MAP3K13: variants seen among roughly 807,000 people sequenced by gnomAD.
MAP3K13 encodes the protein mitogen-activated protein kinase kinase kinase 13, also known as leucine zipper-bearing kinase.
MAP3K13 carries 52 observed loss-of-function variants against 104.0 expected under a neutral mutation model. The observed-to-expected ratio is 0.50, with a 90% CI of 0.40 to 0.63. The LOEUF is 0.63. Among genes scored for constraint, MAP3K13 ranks in the 20% least tolerant of loss-of-function variants. The pLI is 0.00. For missense variants in MAP3K13, 914 were observed against 1,218.5 expected, an observed-to-expected ratio of 0.75 and a Z score of 3.72; for synonymous variants, 394 against 442.2, an observed-to-expected ratio of 0.89 and a Z score of 1.37.
In MAP3K13 at chr3:185,480,534, G is replaced by A. The variant is rs926099676; in HGVS notation, c.2799+5G>A. On this transcript the variant is annotated splice_donor_5th_base_variant and intron_variant, in intron 13 of 13. Transcript: ENST00000265026. Reference sequence around the variant, plus strand: ...GTGGAGGAACGTGGCTATGAGGTGGGGGCTTCTCCCTTCTCCTCCCATCAC... The same window carrying A: ...GTGGAGGAACGTGGCTATGAGGTGGAGGCTTCTCCCTTCTCCTCCCATCAC... 6.2e-6 allele frequency: 10 copies of A among 1,610,574 alleles called. No individual in the cohort carries two copies. The highest frequency in any genetic ancestry group is 8.5e-6 in the Non-Finnish European group (10 of 1,177,668).
rs1718611622 is a variant in MAP3K13, at chr3:185,484,087, C to G, written c.*1631C>G. 1 of 152,152 alleles carries G rather than the reference C, an allele frequency of 6.6e-6. No individual in the cohort carries two copies. The highest frequency in any genetic ancestry group is 1.5e-5 in the Non-Finnish European group (1 of 68,040). The allele number at this position is 152,152 out of a possible 1,614,324, so 9.4% of individuals were successfully genotyped here. A position where few individuals can be genotyped will look rare whatever the true frequency, so the allele number is the denominator to read the frequency against. Reference sequence around the variant, plus strand: ...ACAAGCAGCTTGCAAAAGGCAACTCCTCTCCCAGCACAATAGCATTTTTGT... The same window carrying G: ...ACAAGCAGCTTGCAAAAGGCAACTCGTCTCCCAGCACAATAGCATTTTTGT... On this transcript the variant is annotated 3_prime_UTR_variant, in exon 14 of 14. Transcript: ENST00000265026.
In MAP3K13 at chr3:185,423,794, C is replaced by T. The variant is rs1470468461; in HGVS notation, c.-85-4703C>T. ...CGTGTGGCAGCAGGAGTTACCCTTG[C>T]TGCACACTGCTCCCCCACATTAGCC... is the stretch of plus-strand genomic sequence containing the variant. On this transcript the variant is annotated intron_variant, in intron 1 of 13. Transcript: ENST00000265026. The surrounding 1 kb of genome is among the most constrained non-coding windows in gnomAD (Gnocchi z 4.1). Among the ~76,000 whole-genome samples the T allele has an allele frequency of 2.0e-5, 3 of 152,208 alleles. No individual in the cohort carries two copies. The highest frequency in any genetic ancestry group is 1.3e-4 in the Admixed American group (2 of 15,286).
intron 2 of MAP3K13, among the ~76,000 whole-genome samples, chr3:185,320,023 G>A (rs1351752838): frequency 3.9e-5 from 6 of 152,052 alleles, no homozygotes; most frequent in African/African-American, 1.4e-4. Flanking sequence ...TAGCCTCAGG[G>A]ACTGTTTTCA....
chr3:185,292,683 G>A, intron 2 of MAP3K13: 2 of 985,434 alleles, frequency 2.0e-6, no homozygotes, highest in Non-Finnish European at 2.4e-6. Context: ...GAAGGTAGGT[G>A]ATTTAAACTC....
At chr3:185,390,286 G>A (rs1711965700) in intron 1 of MAP3K13, among the ~76,000 whole-genome samples, 1 of 152,082 alleles carries the variant, frequency 6.6e-6, no homozygotes, top group Non-Finnish European at 1.5e-5. Flanking sequence ...TGTGTGGTGG[G>A]TGCTATTGTT....
At position 185,401,818 on chromosome 3, in the gene MAP3K13, C is replaced by T. The variant is rs192665819; in HGVS notation, c.-85-26679C>T. Among the ~76,000 whole-genome samples, 486 of 152,218 alleles carry T rather than the reference C, an allele frequency of 3.2e-3. 3 individuals carry two copies. Among genetic ancestry groups the T allele is most frequent in the Non-Finnish European group, 4.3e-3 (291 of 68,012 alleles). On this transcript the variant is annotated intron_variant, in intron 1 of 13. Coordinates refer to ENST00000265026, the MANE Select transcript of MAP3K13 (RefSeq NM_004721.5). The stretch of plus-strand genomic sequence containing the variant: ...CATGTGGAAATGAGGTTTTGAGGCA[C>T]GATTTCTGGTGAGATTCCTGGATTT...
intron 7 of MAP3K13, among the ~76,000 whole-genome samples, chr3:185,458,783 G>C (rs1716919791): frequency 6.6e-6 from 1 of 152,202 alleles, no homozygotes; most frequent in Admixed American, 6.5e-5. Flanking sequence ...GAGTCCAGCT[G>C]ACTCCTTCCT....
chr3:185,339,421 G>A (rs1226158681), intron 2 of MAP3K13, among the ~76,000 whole-genome samples: 3 of 152,234 alleles, frequency 2.0e-5, no homozygotes, highest in African/African-American at 7.2e-5. Flanking sequence ...CAGACCAGCA[G>A]CATCAATATT....
Position 185,475,066 on chromosome 3 carries a change from A to C in MAP3K13, c.2430+1305A>C, listed in dbSNP as rs6777984. 3.2e-3 allele frequency among the ~76,000 whole-genome samples: 478 copies of C among 147,124 alleles called. 5 individuals carry two copies. Among genetic ancestry groups the C allele is most frequent in the African/African-American group, 0.011 (441 of 39,634 alleles). ...CCGAGATCCCGCCACTGCACTCCAGACTGGGCGACAGTGTGAGACCCCATC... is the reference window on the plus strand; with the variant it reads ...CCGAGATCCCGCCACTGCACTCCAGCCTGGGCGACAGTGTGAGACCCCATC... On this transcript the variant is annotated intron_variant, in intron 11 of 13. Coordinates refer to ENST00000265026, the MANE Select transcript of MAP3K13 (RefSeq NM_004721.5).
chr3:185,372,097 A>G (rs1724191154), intron 1 of MAP3K13, among the ~76,000 whole-genome samples: 1 of 152,236 alleles, frequency 6.6e-6, no homozygotes. Context: ...TTCCTCTCCC[A>G]TAACAAATTT....
Position 185,480,166 on chromosome 3 carries a change from T to G in MAP3K13, c.2502-66T>G, listed in dbSNP as rs112611079. Reference sequence around the variant, plus strand: ...AGATTATCTCTACCACTACTATGAGTGACAGATAAGGAAAGAAAAGCAGTT... The same window carrying G: ...AGATTATCTCTACCACTACTATGAGGGACAGATAAGGAAAGAAAAGCAGTT... On this transcript the variant is annotated intron_variant, in intron 12 of 13. Coordinates refer to ENST00000265026, the MANE Select transcript of MAP3K13 (RefSeq NM_004721.5). 460 of 1,472,136 alleles carry G rather than the reference T, an allele frequency of 3.1e-4. No individual in the cohort carries two copies. The African/African-American group carries it at 5.6e-3, about 18-fold the overall frequency. 91.2% of individuals were successfully genotyped at this position (1,472,136 alleles called of 1,614,324 possible). A position where few individuals can be genotyped will look rare whatever the true frequency, so the allele number is the denominator to read the frequency against.
At chr3:185,313,785 T>C (rs1467913657) in intron 2 of MAP3K13, among the ~76,000 whole-genome samples, 1 of 151,458 alleles carries the variant, frequency 6.6e-6, no homozygotes, top group Non-Finnish European at 1.5e-5. Context: ...TAGATTAGAA[T>C]TGGGAAGCTC....
intron 1 of MAP3K13, among the ~76,000 whole-genome samples, chr3:185,285,031 G>GAT (rs1553783715): frequency 6.7e-6 from 1 of 148,840 alleles, no homozygotes; most frequent in African/African-American, 2.5e-5. Flanking sequence ...ATGTCATACG[G>GAT]GTGTGTGTGT....
chr3:185,472,483 T>C (rs1560131990), intron 10 of MAP3K13, among the ~76,000 whole-genome samples: 1 of 152,140 alleles, frequency 6.6e-6, no homozygotes, highest in Non-Finnish European at 1.5e-5. Flanking sequence ...AGTGCTGGGA[T>C]TACAGGCATT....
chr3:185,441,006 T>C (rs1375698116), intron 3 of MAP3K13, among the ~76,000 whole-genome samples: 1 of 152,224 alleles, frequency 6.6e-6, no homozygotes, highest in Non-Finnish European at 1.5e-5. Context: ...CCCAATGTGC[T>C]TGTCTAAACA....
intron 4 of MAP3K13, 88 bp from the exon 5 acceptor site, chr3:185,447,701 A>C (rs111962602): frequency 5.1e-6 from 5 of 986,146 alleles, no homozygotes; most frequent in Non-Finnish European, 7.6e-6. Context: ...AGGAAGTAGC[A>C]GATAAAGTCT....
intron 3 of MAP3K13, 113 bp downstream of exon 3, chr3:185,437,743 T>A: frequency 9.9e-7 from 1 of 1,008,724 alleles, no homozygotes; most frequent in Non-Finnish European, 1.4e-6. Context: ...GACTTAGCAC[T>A]GTGCTAGGTG....
At chr3:185,416,428 A>G (rs907360585) in intron 1 of MAP3K13, among the ~76,000 whole-genome samples, 1 of 151,722 alleles carries the variant, frequency 6.6e-6, no homozygotes, top group Admixed American at 6.6e-5. Flanking sequence ...CATCTACTCT[A>G]TGAGGTGGAT....
intron 2 of MAP3K13, among the ~76,000 whole-genome samples, chr3:185,345,237 A>G (rs973107312): frequency 2.6e-5 from 4 of 151,954 alleles, no homozygotes; most frequent in African/African-American, 9.7e-5. Context: ...ATACACACAC[A>G]CATACACACA....
Sources: gnomAD v4.1 joint callset for allele counts (sites outside exome capture counted in the v4.1 genomes callset) on GRCh38, gnomAD v4.1.1 for gene constraint, Gnocchi (gnomAD v3.1) non-coding constraint, MANE v1.5 for transcripts, NCBI Gene and HGNC (gene_info 2026-07-23, HGNC 2026-07-21) for gene names.